Variants in DPF3 observed in about 807,000 individuals in gnomAD.
DPF3 encodes double PHD fingers 3.
DPF3 carries 18 observed loss-of-function variants against 56.8 expected under a neutral mutation model. The observed-to-expected ratio is 0.32, with a 90% confidence interval of 0.22 to 0.47. The LOEUF (loss-of-function observed/expected upper bound fraction) is 0.47. Ranked by LOEUF, DPF3 falls within the 20% of genes least tolerant of loss-of-function variation. The probability of loss-of-function intolerance (pLI) is 1.00; values close to 1 mark genes in which losing one functional copy is unlikely to be tolerated. For synonymous variants in DPF3, 188 were observed against 180.2 expected (o/e 1.04, Z -0.35); for missense variants, 403 against 488.8 (o/e 0.82, Z 1.65).
At chr14:72,642,543 A>T (rs897437978) in intron 8 of DPF3, among the ~76,000 whole-genome samples, 10 of 152,216 alleles carry the variant, frequency 6.6e-5, no homozygotes, top group African/African-American at 1.9e-4. Context: ...AGATAATTTC[A>T]GTGGCAATAT....
At chr14:72,789,351 C>T (rs1367838387) in intron 1 of DPF3, among the ~76,000 whole-genome samples, 5 of 152,184 alleles carry the variant, frequency 3.3e-5, no homozygotes, top group African/African-American at 4.8e-5. Context: ...CACAGGCCCA[C>T]GGTCACTTGG....
intron 2 of DPF3, among the ~76,000 whole-genome samples, chr14:72,754,546 A>G (rs1304438297): frequency 1.3e-5 from 2 of 152,188 alleles, no homozygotes; most frequent in Admixed American, 6.5e-5. Context: ...AATGTGGCAC[A>G]TGGCAGCTGT....
chr14:72,761,977 A>G (rs964944364), intron 2 of DPF3, among the ~76,000 whole-genome samples: 2 of 151,848 alleles, frequency 1.3e-5, no homozygotes, highest in African/African-American at 4.8e-5. Flanking sequence ...AAAATCACAT[A>G]CTAACAAAGC....
At chr14:72,756,858 AAG>A (rs1365929665) in intron 2 of DPF3, among the ~76,000 whole-genome samples, 2 of 136,066 alleles carry the variant, frequency 1.5e-5, no homozygotes, top group Admixed American at 1.5e-4. Flanking sequence ...GAAAGAAAGA[AAG>A]AAAGAAAGAA....
intron 4 of DPF3, among the ~76,000 whole-genome samples, chr14:72,724,343 G>A (rs1889305830): frequency 6.6e-6 from 1 of 151,462 alleles, no homozygotes; most frequent in East Asian, 1.9e-4. Flanking sequence ...CAGTCACATT[G>A]CAACATAGAA....
At chr14:72,766,439 A>T (rs534973766) in intron 2 of DPF3, among the ~76,000 whole-genome samples, 1 of 152,174 alleles carries the variant, frequency 6.6e-6, no homozygotes, top group East Asian at 1.9e-4. Flanking sequence ...CTATCTAGCT[A>T]TCTAACTATC....
At position 72,661,343 on chromosome 14, in the gene DPF3, G is replaced by C. The variant is rs966116494; in HGVS notation, c.871+12897C>G. 1.6e-5 allele frequency: 16 copies of C among 985,222 alleles called. No individual in the cohort carries two copies. In the African/African-American group the frequency reaches 2.6e-4, roughly 16 times the overall value. 61.0% of individuals were successfully genotyped at this position (985,222 alleles called of 1,614,324 possible). On this transcript the variant is annotated intron_variant, in intron 8 of 10. Coordinates refer to ENST00000556509, the MANE Select transcript of DPF3 (RefSeq NM_001280542.3). ...CAGGAAGTCGGTGCCCACCTGCCCTGCCCTTTCAGAGGCCAAAGAGATTCT... is the reference window on the plus strand; with the variant it reads ...CAGGAAGTCGGTGCCCACCTGCCCTCCCCTTTCAGAGGCCAAAGAGATTCT...
intron 2 of DPF3, among the ~76,000 whole-genome samples, chr14:72,753,916 C>G (rs1290489772): frequency 6.6e-6 from 1 of 152,114 alleles, no homozygotes. Context: ...GCTTGTGTAG[C>G]CCCCATGAGA....
At chr14:72,686,950 T>A (rs1348655159) in intron 7 of DPF3, among the ~76,000 whole-genome samples, 1 of 152,234 alleles carries the variant, frequency 6.6e-6, no homozygotes, top group Non-Finnish European at 1.5e-5. Flanking sequence ...AGCCATATGT[T>A]AGAGGACAAG....
At chr14:72,813,556 C>G (rs1038668815) in intron 1 of DPF3, among the ~76,000 whole-genome samples, 3 of 152,304 alleles carry the variant, frequency 2.0e-5, no homozygotes, top group South Asian at 2.1e-4. Context: ...GCCTCCCCCC[C>G]GGCACCCATT....
At chr14:72,714,041 G>A (rs942217370) in intron 6 of DPF3, among the ~76,000 whole-genome samples, 32 of 152,236 alleles carry the variant, frequency 2.1e-4, no homozygotes, top group Non-Finnish European at 4.1e-4. Flanking sequence ...TACCTTTGTC[G>A]GAGGGTTTTG....
At position 72,823,773 on chromosome 14, in the gene DPF3, T is replaced by C. The variant is rs567665906; in HGVS notation, c.33-51880A>G. Among the ~76,000 whole-genome samples, 3 of 152,280 alleles carry C rather than the reference T, an allele frequency of 2.0e-5. No homozygotes were observed. In the South Asian group the frequency reaches 6.2e-4, roughly 32 times the overall value. The stretch of plus-strand genomic sequence containing the variant: ...AAATCACATTTACCCTGGATACTTG[T>C]TTGCAATAAAACAGAGAGTAGGAAA... On this transcript the variant is annotated intron_variant, in intron 1 of 10. Transcript: ENST00000556509.
At chr14:72,669,940 G>C (rs1252477581) in intron 8 of DPF3, 1 of 985,816 alleles carries the variant, frequency 1.0e-6, no homozygotes, top group Non-Finnish European at 1.2e-6. Flanking sequence ...AGACAGGTTA[G>C]CCAAGACATA....
chr14:72,670,898 A>C (rs1458663552), intron 8 of DPF3: 2 of 1,250,616 alleles, frequency 1.6e-6, no homozygotes, highest in Admixed American at 3.7e-5. Context: ...CATCTCTCGG[A>C]AGAACGCTCA....
At chr14:72,794,676 G>A (rs1419501032) in intron 1 of DPF3, among the ~76,000 whole-genome samples, 1 of 152,212 alleles carries the variant, frequency 6.6e-6, no homozygotes, top group Non-Finnish European at 1.5e-5. Context: ...AGGACAGGTA[G>A]AAGGGTGCTG....
chr14:72,730,365 C>G (rs1889589624), intron 4 of DPF3, among the ~76,000 whole-genome samples: 1 of 152,148 alleles, frequency 6.6e-6, no homozygotes, highest in South Asian at 2.1e-4. Flanking sequence ...AGGGCTGCAG[C>G]TCGTGGAAAA....
rs1884006637 is a variant in DPF3 at position 72,614,992 on chromosome 14, C to A, written c.*4305G>T. 6.7e-6 allele frequency among the ~76,000 whole-genome samples: 1 copy of A among 149,786 alleles called. No individual in the cohort carries two copies. Among genetic ancestry groups the A allele is most frequent in the Non-Finnish European group, 1.5e-5 (1 of 67,524 alleles). ...GCCTGCTAAAAGGGACACCAAGTCA[C>A]CACTGCTACCAGGAGCCAGGCCTGG... On this transcript the variant is annotated 3_prime_UTR_variant, in exon 11 of 11. Coordinates refer to ENST00000556509, the MANE Select transcript of DPF3 (RefSeq NM_001280542.3).
intron 3 of DPF3, among the ~76,000 whole-genome samples, chr14:72,741,506 C>G (rs181464697): frequency 6.6e-6 from 1 of 152,192 alleles, no homozygotes; most frequent in African/African-American, 2.4e-5. Flanking sequence ...AACACTTGGG[C>G]CCCCCAGGCC....
At chr14:72,750,811 A>AC (rs1453781964) in intron 3 of DPF3, among the ~76,000 whole-genome samples, 3 of 151,066 alleles carry the variant, frequency 2.0e-5, no homozygotes, top group Admixed American at 2.0e-4. Context: ...AAAAAAAAAA[A>AC]AAAAAACCTG....
Sources: allele counts gnomAD v4.1 joint callset (sites outside exome capture counted in the v4.1 genomes callset), GRCh38; gene constraint gnomAD v4.1.1; transcripts MANE v1.5; gene names NCBI Gene and HGNC (gene_info 2026-07-23, HGNC 2026-07-21).